Variants in VRK2 observed in about 807,000 individuals in gnomAD.
VRK2 encodes the protein serine/threonine-protein kinase VRK2.
A neutral mutation model predicts 57.6 loss-of-function variants in VRK2; 60 were observed. That is an observed-to-expected ratio of 1.04 (90% CI 0.85 to 1.29). The LOEUF (loss-of-function observed/expected upper bound fraction) is 1.29, where lower values mean the gene tolerates loss of function less well. Among genes scored for constraint, VRK2 ranks in the 50% most tolerant of loss-of-function variants. The pLI, the probability that VRK2 is intolerant of heterozygous loss-of-function variation, is 0.00. For synonymous variants in VRK2, 231 were observed against 199.2 expected, an observed-to-expected ratio of 1.16 and a Z score of -1.35; for missense variants, 705 against 588.1, an observed-to-expected ratio of 1.20 and a Z score of -2.06.
chr2:57,919,889 C>T (rs1670283487), intron 1 of VRK2, among the ~76,000 whole-genome samples: 1 of 152,014 alleles, frequency 6.6e-6, no homozygotes, highest in African/African-American at 2.4e-5. Context: ...CCATTATCTC[C>T]ATGGGTTTCT....
At position 58,134,617 on chromosome 2, in the gene VRK2, CAAAAAAAAA is replaced by C. The variant is rs70954875; in HGVS notation, c.798-512_798-504del. ...TGGGCGACAGAGCGAGACTCCGTCT[CAAAAAAAAA>C]AAAAAAAAAAAGAATATGGACAGGC... On this transcript the variant is annotated intron_variant, in intron 9 of 12. Transcript: ENST00000340157. Among the ~76,000 whole-genome samples the C allele has an allele frequency of 6.7e-3, 492 of 73,090 alleles. 7 individuals are homozygous for C. Among genetic ancestry groups the C allele is most frequent in the African/African-American group, 0.021 (467 of 22,564 alleles). 47.9% of individuals were successfully genotyped at this position (73,090 alleles called of 152,430 possible).
At chr2:58,060,009 A>G (rs140017471) in intron 2 of VRK2, among the ~76,000 whole-genome samples, 40 of 151,996 alleles carry the variant, frequency 2.6e-4, no homozygotes, top group Non-Finnish European at 3.5e-4. Flanking sequence ...TTACAGTTCT[A>G]TCTTACATCT....
At chr2:58,043,321 A>G (rs190209213), upstream of VRK2, among the ~76,000 whole-genome samples, 13 of 152,190 alleles carry the variant, frequency 8.5e-5, no homozygotes, top group East Asian at 2.5e-3. Context: ...TTTTAAATCG[A>G]TTTTATTAAG....
At chr2:58,069,003 C>T (rs1669018227) in intron 2 of VRK2, among the ~76,000 whole-genome samples, 1 of 151,868 alleles carries the variant, frequency 6.6e-6, no homozygotes, top group African/African-American at 2.4e-5. Context: ...TTTCAACATC[C>T]CTGTCATTTT....
At chr2:57,974,422 G>A (rs985258409) in intron 1 of VRK2, among the ~76,000 whole-genome samples, 1 of 151,750 alleles carries the variant, frequency 6.6e-6, no homozygotes, top group Non-Finnish European at 1.5e-5. Flanking sequence ...TTTATAAATT[G>A]TCTACGTAGT....
intron 2 of VRK2, among the ~76,000 whole-genome samples, chr2:58,069,437 C>G (rs773783808): frequency 6.6e-6 from 1 of 152,164 alleles, no homozygotes; most frequent in African/African-American, 2.4e-5. Context: ...CTCTCTCCCT[C>G]CATGGTCTCC....
At chr2:57,951,297 T>A (rs6716897) in intron 1 of VRK2, among the ~76,000 whole-genome samples, 341 of 152,242 alleles carry the variant, frequency 2.2e-3, no homozygotes, top group African/African-American at 7.9e-3. Context: ...AAGATGTGAC[T>A]GAATTGCTGC....
At chr2:58,097,390 T>C (rs1004247420) in intron 7 of VRK2, among the ~76,000 whole-genome samples, 1 of 152,116 alleles carries the variant, frequency 6.6e-6, no homozygotes, top group East Asian at 1.9e-4. Context: ...TTTTATGTGT[T>C]TTTTTAAATC....
intron 11 of VRK2, among the ~76,000 whole-genome samples, chr2:58,140,656 C>T (rs949679316): frequency 6.6e-6 from 1 of 151,952 alleles, no homozygotes; most frequent in Non-Finnish European, 1.5e-5. Flanking sequence ...GACTGATAGG[C>T]TGCTAGATGA....
At chr2:58,149,934 C>T (rs1247595301) in intron 12 of VRK2, among the ~76,000 whole-genome samples, 1 of 150,650 alleles carries the variant, frequency 6.6e-6, no homozygotes, top group African/African-American at 2.4e-5. Context: ...ATTTCAGTTC[C>T]ATGGAAGGTT....
chr2:57,948,577 T>C (rs1671330366), intron 1 of VRK2, among the ~76,000 whole-genome samples: 1 of 152,076 alleles, frequency 6.6e-6, no homozygotes, highest in Admixed American at 6.5e-5. Flanking sequence ...ATGAATAAAA[T>C]ATCTTAACTT....
intron 1 of VRK2, chr2:58,047,554 A>G (rs1171933338): frequency 1.5e-6 from 1 of 672,436 alleles, no homozygotes; most frequent in East Asian, 1.4e-4. Flanking sequence ...TTTTATAATT[A>G]TTTAGAATTT....
intron 2 of VRK2, among the ~76,000 whole-genome samples, chr2:58,032,585 T>C (rs904372746): frequency 6.7e-6 from 1 of 150,346 alleles, no homozygotes; most frequent in Non-Finnish European, 1.5e-5. Context: ...CCTTTCTCAA[T>C]TGTACCTCTC....
At chr2:58,141,895 A>G (rs1270396197) in intron 11 of VRK2, among the ~76,000 whole-genome samples, 1 of 152,016 alleles carries the variant, frequency 6.6e-6, no homozygotes. Context: ...ATGCATATCA[A>G]TCACATGGCT....
At chr2:58,155,391 G>A (rs1372856558) in intron 12 of VRK2, among the ~76,000 whole-genome samples, 2 of 152,124 alleles carry the variant, frequency 1.3e-5, no homozygotes, top group East Asian at 1.9e-4. Flanking sequence ...CTCTACTACG[G>A]TCTCTACAGT....
chr2:57,982,214 C>T (rs528320725), intron 1 of VRK2, among the ~76,000 whole-genome samples: 7 of 152,308 alleles, frequency 4.6e-5, no homozygotes, highest in Admixed American at 1.3e-4. Flanking sequence ...ACCAGGCCTG[C>T]AGCTTTGCTC....
intron 2 of VRK2, among the ~76,000 whole-genome samples, chr2:58,066,332 TATG>T (rs1178300272): frequency 6.6e-6 from 1 of 152,174 alleles, no homozygotes; most frequent in East Asian, 1.9e-4. Context: ...CTTCAATTGA[TATG>T]ATCAGGTGGT....
chr2:57,944,824 C>CTT (rs34205194), intron 1 of VRK2, among the ~76,000 whole-genome samples: 5 of 151,636 alleles, frequency 3.3e-5, no homozygotes, highest in African/African-American at 9.7e-5. Context: ...CCCTTGTTCC[C>CTT]TTTTTTTCAA....
upstream of VRK2, chr2:58,046,432 A>G (rs1015873066): frequency 2.1e-4 from 202 of 951,624 alleles, no homozygotes; most frequent in Middle Eastern, 5.3e-4. Flanking sequence ...AGAGCTCGGT[A>G]AGGACTAGCC....
Sources: allele counts gnomAD v4.1 joint callset (sites outside exome capture counted in the v4.1 genomes callset), GRCh38; gene constraint gnomAD v4.1.1; transcripts MANE v1.5; gene names NCBI Gene and HGNC (gene_info 2026-07-23, HGNC 2026-07-21).